Variants in GPR153 observed in about 807,000 individuals in gnomAD.
GPR153 encodes G protein-coupled receptor 153.
A neutral mutation model predicts 34.1 loss-of-function variants in GPR153; 27 were observed. The observed-to-expected ratio is 0.79, with a 90% CI of 0.58 to 1.09. The LOEUF (loss-of-function observed/expected upper bound fraction) is 1.09. Ranked by LOEUF, GPR153 falls within the 50% of genes least tolerant of loss-of-function variation. The pLI, the probability that GPR153 is intolerant of heterozygous loss-of-function variation, is 0.00. For missense variants in GPR153, 848 were observed against 860.2 expected (o/e 0.99, Z 0.18); for synonymous variants, 408 against 405.4 (o/e 1.01, Z -0.08).
In GPR153 at chr1:6,249,468, G is replaced by A; in HGVS notation, c.1700C>T (p.Ala567Val). 3.0e-6 allele frequency: 4 copies of A among 1,329,040 alleles called. No homozygotes were observed. Among genetic ancestry groups the A allele is most frequent in the South Asian group, 2.0e-5 (1 of 49,652 alleles). 82.3% of individuals were successfully genotyped at this position (1,329,040 alleles called of 1,614,324 possible). A position where few individuals can be genotyped will look rare whatever the true frequency, so the allele number is the denominator to read the frequency against. The change falls in exon 6 of 6, where the codon GCG becomes GTG. Residue 567 changes from alanine to valine, a missense_variant. Physicochemically the swap from Ala to Val is moderately conservative, Grantham distance 64. Transcript: ENST00000377893. This position sits in a 1 kb window ranked among gnomAD's most constrained non-coding sequence, Gnocchi z 4.3. ...CAGCCCCCCGGGCTCGCCCCACGACGCGCTCAGGCCGGGGCGCAGAGAGCC... is the reference window on the plus strand; with the variant it reads ...CAGCCCCCCGGGCTCGCCCCACGACACGCTCAGGCCGGGGCGCAGAGAGCC... ...HAGSLRPGLS[A>V]SWGEPGGLRA...
In GPR153 at chr1:6,248,260, C is replaced by G. The variant is rs544984712; in HGVS notation, c.*1078G>C. The G allele has an allele frequency of 1.3e-5, 2 of 152,336 alleles. No homozygotes were observed. The highest frequency in any genetic ancestry group is 2.9e-5 in the Non-Finnish European group (2 of 68,152). 9.4% of individuals were successfully genotyped at this position (152,336 alleles called of 1,614,324 possible). A position where few individuals can be genotyped will look rare whatever the true frequency, so the allele number is the denominator to read the frequency against. ...TGCTCCCAGGGGTTGGACGCCTGCC[C>G]GGGACCAGGCCTTGAGCTGAGAACC... is the stretch of plus-strand genomic sequence containing the variant. On this transcript the variant is annotated 3_prime_UTR_variant, in exon 6 of 6. Coordinates refer to ENST00000377893, the MANE Select transcript of GPR153 (RefSeq NM_207370.4).
intron 1 of GPR153, among the ~76,000 whole-genome samples, chr1:6,259,649 G>T (rs1484045334): frequency 1.3e-5 from 2 of 152,110 alleles, no homozygotes; most frequent in Non-Finnish European, 2.9e-5. Context: ...TTTGGGGCCA[G>T]GCACTCCTGG....
In GPR153 at chr1:6,253,805, C is replaced by T. The variant is rs781477203; in HGVS notation, c.699G>A (p.Ser233=). Residue 233 remains serine (S), a synonymous_variant, in exon 3 of 6, where the codon TCG becomes TCA. Transcript: ENST00000377893. ...TCTGCAGAGAGGTTTTGGCGGGCTCCGAGCCATCGATGGAGGAGCGCCGCT... is the reference window on the plus strand; with the variant it reads ...TCTGCAGAGAGGTTTTGGCGGGCTCTGAGCCATCGATGGAGGAGCGCCGCT... ...QGKRRSSIDG[S]EPAKTSLQTT... is the part of the protein sequence containing the mutation. 2.5e-5 allele frequency: 39 copies of T among 1,578,592 alleles called. No homozygotes were observed. The African/African-American group carries it at 3.0e-4, about 12-fold the overall frequency.
chr1:6,257,159 C>T (rs1047718411), intron 1 of GPR153, among the ~76,000 whole-genome samples: 1 of 152,250 alleles, frequency 6.6e-6, no homozygotes, highest in African/African-American at 2.4e-5. Flanking sequence ...AGAACAAGTC[C>T]TCTTGCCATC....
Position 6,251,462 on chromosome 1 carries a change from G to A in GPR153, c.855C>T (p.Cys285=). 1 of 1,613,140 alleles carries A rather than the reference G, an allele frequency of 6.2e-7. No individual in the cohort carries two copies. Among genetic ancestry groups the A allele is most frequent in the African/African-American group, 1.3e-5 (1 of 75,048 alleles). ...APWMALCVLW[C]SVAQALLLPV... is the part of the protein sequence containing the mutation. The stretch of plus-strand genomic sequence containing the variant: ...GCAGCAGCAGGGCCTGGGCCACGGA[G>A]CACCACAGCACGCAGAGTGCCATCC... The change falls in exon 4 of 6, where the codon TGC becomes TGT. Residue 285 remains cysteine, a synonymous_variant. Coordinates refer to ENST00000377893, the MANE Select transcript of GPR153 (RefSeq NM_207370.4). This position sits in a 1 kb window ranked among gnomAD's most constrained non-coding sequence, Gnocchi z 4.9.
At position 6,248,176 on chromosome 1, in the gene GPR153, C is replaced by T. The variant is rs1638342442; in HGVS notation, c.*1162G>A. 6.6e-6 allele frequency: 1 copy of T among 152,274 alleles called. No individual in the cohort carries two copies. The highest frequency in any genetic ancestry group is 1.5e-5 in the Non-Finnish European group (1 of 68,088). 9.4% of individuals were successfully genotyped at this position (152,274 alleles called of 1,614,324 possible). A position where few individuals can be genotyped will look rare whatever the true frequency, so the allele number is the denominator to read the frequency against. Reference sequence around the variant, plus strand: ...TCCTTAGCCTGGGAAGACCCAGGGCCCATGGCAATGCCCAGGCCTGTAAGG... The same window carrying T: ...TCCTTAGCCTGGGAAGACCCAGGGCTCATGGCAATGCCCAGGCCTGTAAGG... On this transcript the variant is annotated 3_prime_UTR_variant, in exon 6 of 6. Coordinates refer to ENST00000377893, the MANE Select transcript of GPR153 (RefSeq NM_207370.4).
intron 1 of GPR153, among the ~76,000 whole-genome samples, chr1:6,256,417 C>A (rs1296424360): frequency 1.3e-5 from 2 of 149,392 alleles, no homozygotes; most frequent in Non-Finnish European, 1.5e-5. Context: ...GTCGCCCAGG[C>A]TGGAGTGCAG....
chr1:6,258,049 C>T (rs1293577156), intron 1 of GPR153, among the ~76,000 whole-genome samples: 1 of 152,262 alleles, frequency 6.6e-6, no homozygotes, highest in African/African-American at 2.4e-5. Context: ...TGGGGGGCCA[C>T]TGCCGCCTTA....
intron 2 of GPR153, 96 bp from the exon 3 acceptor site, chr1:6,254,243 A>G: frequency 8.8e-7 from 1 of 1,137,558 alleles, no homozygotes; most frequent in Non-Finnish European, 1.3e-6. Flanking sequence ...CCACCCAGGC[A>G]CCCCACACCC....
chr1:6,258,386 C>T, intron 1 of GPR153, among the ~76,000 whole-genome samples: 1 of 152,236 alleles, frequency 6.6e-6, no homozygotes. Flanking sequence ...GCTTCGGCCT[C>T]CCGAAGTGCT....
In GPR153 at chr1:6,250,637, G is replaced by T. The variant is rs1418683131; in HGVS notation, c.980-13C>A. 2.4e-5 allele frequency: 5 copies of T among 208,670 alleles called. 1 individual carries two copies. The Admixed American group carries it at 3.4e-4, about 14-fold the overall frequency. 12.9% of individuals were successfully genotyped at this position (208,670 alleles called of 1,614,324 possible). ...TCCAGGCTGGTCTCTGTAGGGTGGG[G>T]GGTGGGTGGGGGGGCAGAGCCTTAG... On this transcript the variant is annotated splice_polypyrimidine_tract_variant and intron_variant, in intron 4 of 5. Transcript: ENST00000377893.
intron 1 of GPR153, among the ~76,000 whole-genome samples, chr1:6,257,656 C>T (rs560580973): frequency 1.3e-5 from 2 of 152,366 alleles, no homozygotes; most frequent in Non-Finnish European, 2.9e-5. Flanking sequence ...TGGAGACGGC[C>T]AGTAGACCAG....
chr1:6,253,688 C>G, intron 3 of GPR153, 30 bp downstream of exon 3: 1 of 1,511,334 alleles, frequency 6.6e-7, no homozygotes, highest in Non-Finnish European at 8.8e-7. Context: ...GTCCCAGAGA[C>G]AGGCCCCTCT....
intron 2 of GPR153, 95 bp downstream of exon 2, chr1:6,254,455 T>A: frequency 8.9e-7 from 1 of 1,118,652 alleles, no homozygotes; most frequent in Non-Finnish European, 1.3e-6. Context: ...ATGCCACAGG[T>A]GTGGCCACTC....
At chr1:6,258,800 A>T (rs1158631800) in intron 1 of GPR153, among the ~76,000 whole-genome samples, 1 of 149,220 alleles carries the variant, frequency 6.7e-6, no homozygotes, top group African/African-American at 2.6e-5. Flanking sequence ...AGCCCCGTGA[A>T]CAAGCTCTGT....
chr1:6,252,785 T>C (rs1638476637), intron 3 of GPR153, among the ~76,000 whole-genome samples: 1 of 152,044 alleles, frequency 6.6e-6, no homozygotes, highest in Non-Finnish European at 1.5e-5. Context: ...GGGGCAGGGG[T>C]TGGCTACTGA....
chr1:6,250,414 G>A (rs768646042), intron 5 of GPR153, 26 bp downstream of exon 5: 3 of 1,545,326 alleles, frequency 1.9e-6, no homozygotes, highest in Non-Finnish European at 2.6e-6. Context: ...CCGCAGGTGC[G>A]GCCTCTCCCC....
In GPR153 at chr1:6,251,512, GGCT is replaced by G; in HGVS notation, c.802_804del (p.Ser268del). 1.2e-6 allele frequency: 2 copies of G among 1,602,230 alleles called. No individual in the cohort carries two copies. Among genetic ancestry groups the G allele is most frequent in the East Asian group, 2.2e-5 (1 of 44,710 alleles). On this transcript the variant is annotated inframe_deletion, in exon 4 of 6. Coordinates refer to ENST00000377893, the MANE Select transcript of GPR153 (RefSeq NM_207370.4). The surrounding 1 kb of genome is among the most constrained non-coding windows in gnomAD (Gnocchi z 4.9). ...CAGGGCGCTGAGGCGTCGGCCCGCA[GGCT>G]GCTGAAGCTCACCACCTGTGGGCAC...
In GPR153 at chr1:6,249,776, CCGCAG is replaced by C; in HGVS notation, c.1387_1391del (p.Leu463AlafsTer6). On this transcript the variant is annotated frameshift_variant, in exon 6 of 6. Transcript: ENST00000377893. LOFTEE classifies it low-confidence loss of function (END_TRUNC). This position sits in a 1 kb window ranked among gnomAD's most constrained non-coding sequence, Gnocchi z 4.3. ...GCGGGCCGCTATCCAGGGCCGAGGG[CCGCAG>C]CGACAGCAGGCTCTCGGCCGAGCGG... 4 of 1,154,126 alleles carry C rather than the reference CCGCAG, an allele frequency of 3.5e-6. No individual in the cohort carries two copies. The highest frequency in any genetic ancestry group is 3.6e-4 in the Middle Eastern group (1 of 2,772). 71.5% of individuals were successfully genotyped at this position (1,154,126 alleles called of 1,614,324 possible). A position where few individuals can be genotyped will look rare whatever the true frequency, so the allele number is the denominator to read the frequency against.
Sources: allele counts gnomAD v4.1 joint callset (sites outside exome capture counted in the v4.1 genomes callset), GRCh38; gene constraint gnomAD v4.1.1; non-coding constraint Gnocchi (gnomAD v3.1); transcripts MANE v1.5; gene names NCBI Gene and HGNC (gene_info 2026-07-23, HGNC 2026-07-21).